The following PDS5A variants were observed in gnomAD, a reference collection of about 807,000 sequenced individuals.
PDS5A encodes the protein PDS5 cohesin associated factor A.
PDS5A carries 42 observed loss-of-function variants against 167.1 expected under a neutral mutation model. That is an observed-to-expected ratio of 0.25 (90% confidence interval 0.20 to 0.33). The LOEUF is 0.33. Among genes scored for constraint, PDS5A ranks in the 10% least tolerant of loss-of-function variants. The pLI is 1.00. For missense variants in PDS5A, 1,033 were observed against 1,605.9 expected (o/e 0.64, Z 6.10); for synonymous variants, 553 against 554.6 (o/e 1.00, Z 0.04).
chr4:39,958,529 G>A (rs1351678875), intron 2 of PDS5A, among the ~76,000 whole-genome samples: 4 of 150,026 alleles, frequency 2.7e-5, no homozygotes, highest in Non-Finnish European at 5.9e-5. Context: ...AAAAAGGTAC[G>A]GGTAGGGAAT....
At position 39,976,583 on chromosome 4, in the gene PDS5A, G is replaced by A; in HGVS notation, c.-6C>T. The A allele has an allele frequency of 6.2e-7, 1 of 1,608,070 alleles. No homozygotes were observed. The highest frequency in any genetic ancestry group is 8.5e-7 in the Non-Finnish European group (1 of 1,175,694). On this transcript the variant is annotated 5_prime_UTR_variant, in exon 2 of 33. Coordinates refer to ENST00000303538, the MANE Select transcript of PDS5A (RefSeq NM_001100399.2). ...GGCTGCGCGGTGAAGTCCATCCTGG[G>A]GGACAACTTTTGGTTCACAGTCCTC...
intron 5 of PDS5A, among the ~76,000 whole-genome samples, chr4:39,923,438 A>T (rs986524258): frequency 2.6e-5 from 4 of 151,828 alleles, no homozygotes; most frequent in Admixed American, 1.3e-4. Context: ...ATTCTGCCTT[A>T]AAAAATGTCA....
rs937653060 is a variant in PDS5A, at chr4:39,854,235, G to A, written c.3087-4583C>T. ...GGAGAATCACTTGAACCTGGGAGGC[G>A]GAGGTTGCAATGAGCCAAGATCACA... On this transcript the variant is annotated intron_variant, in intron 26 of 32. Transcript: ENST00000303538. 5.3e-5 allele frequency among the ~76,000 whole-genome samples: 8 copies of A among 152,252 alleles called. No individual in the cohort carries two copies. In the East Asian group the frequency reaches 7.7e-4, roughly 15 times the overall value.
intron 17 of PDS5A, 109 bp from the exon 18 acceptor site, chr4:39,879,942 T>C (rs1010391651): frequency 3.3e-6 from 2 of 608,476 alleles, no homozygotes; most frequent in African/African-American, 1.8e-5. Context: ...TTCAAAGGAG[T>C]TTCTGTGGGG....
chr4:39,869,567 G>T, intron 21 of PDS5A, 105 bp from the exon 22 acceptor site: 1 of 723,414 alleles, frequency 1.4e-6, no homozygotes, highest in African/African-American at 1.8e-5. Context: ...AGAAACCTAC[G>T]GGAACATCAC....
chr4:39,931,839 T>C (rs1287040870), intron 2 of PDS5A, among the ~76,000 whole-genome samples: 1 of 151,858 alleles, frequency 6.6e-6, no homozygotes, highest in Non-Finnish European at 1.5e-5. Flanking sequence ...CCTTCTCATA[T>C]GTATACCTTA....
chr4:39,892,055 T>C (rs1722020563), intron 16 of PDS5A, among the ~76,000 whole-genome samples: 1 of 152,156 alleles, frequency 6.6e-6, no homozygotes, highest in African/African-American at 2.4e-5. Flanking sequence ...GAGGTTGCAG[T>C]GACCACCTGA....
intron 2 of PDS5A, among the ~76,000 whole-genome samples, chr4:39,969,992 CCT>C (rs1371463697): frequency 6.7e-6 from 1 of 149,816 alleles, no homozygotes. Context: ...AGAGTCTCGC[CCT>C]GTTGCCCAGG....
intron 2 of PDS5A, among the ~76,000 whole-genome samples, chr4:39,944,963 A>C (rs1309874074): frequency 1.3e-5 from 2 of 152,046 alleles, no homozygotes; most frequent in Admixed American, 1.3e-4. Context: ...CTTAAAGCCT[A>C]TTTGTTTATA....
At position 39,846,816 on chromosome 4, in the gene PDS5A, G is replaced by A. The variant is rs1177705395; in HGVS notation, c.3340-936C>T. The A allele has an allele frequency of 3.9e-5, 6 of 152,144 alleles. No homozygotes were observed. In the East Asian group the frequency reaches 5.8e-4, roughly 15 times the overall value. The allele number at this position is 152,144 out of a possible 1,614,324, so 9.4% of individuals were successfully genotyped here. A position where few individuals can be genotyped will look rare whatever the true frequency, so the allele number is the denominator to read the frequency against. On this transcript the variant is annotated intron_variant, in intron 28 of 32. Transcript: ENST00000303538. ...TATTAAATTTACCTTCACAGAAGTA[G>A]GAAAGAACAAAGTGTGCCTGTGAGG... is the stretch of plus-strand genomic sequence containing the variant.
chr4:39,971,987 T>C (rs1051049662), intron 2 of PDS5A, among the ~76,000 whole-genome samples: 4 of 152,104 alleles, frequency 2.6e-5, no homozygotes, highest in African/African-American at 7.2e-5. Context: ...GCAGAAGAAA[T>C]ACAAAATCAA....
chr4:39,879,394 C>T (rs1032733550), intron 18 of PDS5A, among the ~76,000 whole-genome samples: 1 of 152,056 alleles, frequency 6.6e-6, no homozygotes, highest in South Asian at 2.1e-4. Context: ...TGATGATATT[C>T]CCTCCTCTAG....
chr4:39,845,886 A>G lies in PDS5A; in HGVS notation c.3340-6T>C. The G allele has an allele frequency of 1.7e-6, 1 of 584,254 alleles. No individual in the cohort carries two copies. The highest frequency in any genetic ancestry group is 4.7e-5 in the South Asian group (1 of 21,480). The allele number at this position is 584,254 out of a possible 1,614,324, so 36.2% of individuals were successfully genotyped here. ...CTCTTATCGTTACAGAAGTCCTATT[A>G]AAAAAAAAAAAGAAAAAGAAAAAAG... On this transcript the variant is annotated splice_polypyrimidine_tract_variant and splice_region_variant and intron_variant, in intron 28 of 32. Coordinates refer to ENST00000303538, the MANE Select transcript of PDS5A (RefSeq NM_001100399.2).
chr4:39,959,414 C>T (rs768491836), intron 2 of PDS5A, among the ~76,000 whole-genome samples: 14 of 152,100 alleles, frequency 9.2e-5, no homozygotes, highest in Non-Finnish European at 1.5e-4. Context: ...CACAGTGGCA[C>T]GATCATGACC....
intron 17 of PDS5A, among the ~76,000 whole-genome samples, chr4:39,884,394 G>A (rs948822477): frequency 1.3e-5 from 2 of 152,142 alleles, no homozygotes; most frequent in Non-Finnish European, 1.5e-5. Flanking sequence ...CTATTGAGCT[G>A]GGCCAGTAAA....
chr4:39,902,522 A>AT (rs199900186), intron 12 of PDS5A, 62 bp from the exon 13 acceptor site: 57,628 of 592,922 alleles, frequency 0.097, 1 homozygote, highest in East Asian at 0.11. Flanking sequence ...TTAAGAAGCA[A>AT]TTTTTTTTTT....
intron 13 of PDS5A, among the ~76,000 whole-genome samples, chr4:39,901,307 G>C (rs1022505190): frequency 1.6e-4 from 18 of 115,656 alleles, no homozygotes; most frequent in African/African-American, 5.9e-4. Context: ...TCACTCTGTT[G>C]CCCAGGCTGC....
At chr4:39,913,757 A>G (rs1240021218) in intron 8 of PDS5A, 31 bp from the exon 9 acceptor site, 1 of 1,079,438 alleles carries the variant, frequency 9.3e-7, no homozygotes, top group East Asian at 2.4e-5. Context: ...GTGAAGCCTA[A>G]GCTTTATTCA....
At chr4:39,915,678 CA>C (rs1724313307) in intron 8 of PDS5A, among the ~76,000 whole-genome samples, 1 of 152,000 alleles carries the variant, frequency 6.6e-6, no homozygotes, top group Non-Finnish European at 1.5e-5. Context: ...TTTTCTTTGA[CA>C]AAATTTTTCT....
Sources: gnomAD v4.1 joint callset for allele counts (sites outside exome capture counted in the v4.1 genomes callset) on GRCh38, gnomAD v4.1.1 for gene constraint, MANE v1.5 for transcripts, NCBI Gene and HGNC (gene_info 2026-07-23, HGNC 2026-07-21) for gene names.